The following CNBD1 variants were observed in gnomAD, a reference collection of about 807,000 sequenced individuals.
CNBD1 encodes cyclic nucleotide binding domain containing 1.
Under a neutral mutation model 54.4 loss-of-function variants are expected in CNBD1, and 71 were observed. The ratio of observed to expected loss-of-function variants is 1.30; its 90% CI spans 1.08 to 1.59. CNBD1 has a LOEUF of 1.59. CNBD1 is among the 40% of genes most tolerant of loss of function. The pLI is 0.00. For synonymous variants in CNBD1, 182 were observed against 170.7 expected (o/e 1.07, Z -0.51); for missense variants, 659 against 518.0 (o/e 1.27, Z -2.64).
chr8:86,946,435 A>T (rs912536210), intron 4 of CNBD1, among the ~76,000 whole-genome samples: 6 of 152,086 alleles, frequency 3.9e-5, no homozygotes, highest in Admixed American at 3.3e-4. Flanking sequence ...ACATAAGCAA[A>T]CATCTATTAT....
At chr8:87,323,745 C>T (rs1256865538) in intron 8 of CNBD1, among the ~76,000 whole-genome samples, 2 of 129,962 alleles carry the variant, frequency 1.5e-5, no homozygotes, top group East Asian at 4.0e-4. Flanking sequence ...ATGTCATCTG[C>T]AAACAGGGAC....
chr8:87,168,107 T>C (rs1301665832), intron 4 of CNBD1, among the ~76,000 whole-genome samples: 1 of 152,050 alleles, frequency 6.6e-6, no homozygotes, highest in Non-Finnish European at 1.5e-5. Context: ...CAAAATGTTG[T>C]TATGCAGTGC....
chr8:87,382,519 G>A, intron 10 of CNBD1, 101 bp from the exon 11 acceptor site: 1 of 877,062 alleles, frequency 1.1e-6, no homozygotes, highest in Non-Finnish European at 1.8e-6. Context: ...TAACCCCTCT[G>A]ACTCAGCAAT....
intron 8 of CNBD1, among the ~76,000 whole-genome samples, chr8:87,314,988 A>AT (rs1284722024): frequency 2.0e-5 from 3 of 152,086 alleles, no homozygotes; most frequent in Non-Finnish European, 4.4e-5. Flanking sequence ...TAGTAGTAGG[A>AT]TTTTTTGGTT....
chr8:86,915,809 T>C (rs534615452), intron 3 of CNBD1, among the ~76,000 whole-genome samples: 2 of 152,326 alleles, frequency 1.3e-5, no homozygotes, highest in South Asian at 2.1e-4. Flanking sequence ...TCAGTAACTA[T>C]ATGACTTTGG....
At chr8:87,387,755 C>A (rs190800911), downstream of CNBD1, among the ~76,000 whole-genome samples, 6 of 152,228 alleles carry the variant, frequency 3.9e-5, no homozygotes, top group Admixed American at 3.9e-4. Flanking sequence ...ACCAAGAGGA[C>A]CTAATAGACA....
At chr8:87,422,060 G>A (rs1807949392) in intron 2 of CNBD1, among the ~76,000 whole-genome samples, 2 of 144,704 alleles carry the variant, frequency 1.4e-5, no homozygotes, top group South Asian at 4.3e-4. Context: ...TTTTTTGGCT[G>A]CATAAATGTC....
chr8:87,427,386 T>G (rs956261895), intron 2 of CNBD1, among the ~76,000 whole-genome samples: 2 of 152,136 alleles, frequency 1.3e-5, no homozygotes, highest in African/African-American at 4.8e-5. Flanking sequence ...TTATGAATAT[T>G]GATTATTCAG....
At chr8:87,307,426 T>A (rs1222874254) in intron 8 of CNBD1, among the ~76,000 whole-genome samples, 1 of 152,174 alleles carries the variant, frequency 6.6e-6, no homozygotes. Context: ...AAATTTTTGC[T>A]GAAAACTTAA....
chr8:87,251,327 C>G (rs1297158471), intron 6 of CNBD1, among the ~76,000 whole-genome samples: 2 of 152,012 alleles, frequency 1.3e-5, no homozygotes, highest in Non-Finnish European at 2.9e-5. Flanking sequence ...TGGCTTATGC[C>G]TGTAATCCCA....
Position 87,091,164 on chromosome 8 carries a change from A to T in CNBD1, c.432-114829A>T, listed in dbSNP as rs180779049. On this transcript the variant is annotated intron_variant, in intron 4 of 10. Transcript: ENST00000518476. ...CAAAAAAAAAAAAAAAAAAAAAGTT[A>T]ATCTAGCCTCATAGAGTCTTTTGGA... Among the ~76,000 whole-genome samples the T allele has an allele frequency of 4.0e-3, 586 of 148,046 alleles. 5 individuals carry two copies. Among genetic ancestry groups the T allele is most frequent in the Non-Finnish European group, 4.6e-3 (307 of 66,838 alleles).
intron 4 of CNBD1, among the ~76,000 whole-genome samples, chr8:87,122,708 A>G (rs1239551855): frequency 6.6e-6 from 1 of 151,810 alleles, no homozygotes; most frequent in Non-Finnish European, 1.5e-5. Context: ...TATTTAAGTC[A>G]TTAATCCATT....
At chr8:86,949,804 A>G (rs1807558905) in intron 4 of CNBD1, among the ~76,000 whole-genome samples, 1 of 151,952 alleles carries the variant, frequency 6.6e-6, no homozygotes, top group Non-Finnish European at 1.5e-5. Flanking sequence ...GATCTTAGAG[A>G]AAAAGCTTCA....
chr8:87,075,722 C>T (rs550394297), intron 4 of CNBD1, among the ~76,000 whole-genome samples: 1 of 152,226 alleles, frequency 6.6e-6, no homozygotes, highest in Non-Finnish European at 1.5e-5. Flanking sequence ...ATGAGATGAG[C>T]AGCAGGACCT....
intron 6 of CNBD1, among the ~76,000 whole-genome samples, chr8:87,262,775 T>A (rs1035715903): frequency 2.6e-5 from 4 of 152,184 alleles, no homozygotes; most frequent in African/African-American, 9.7e-5. Context: ...CTTTAAAAGA[T>A]CCTTATCTGT....
chr8:87,260,631 T>C (rs933067773), intron 6 of CNBD1, among the ~76,000 whole-genome samples: 2 of 152,284 alleles, frequency 1.3e-5, no homozygotes, highest in South Asian at 4.1e-4. Context: ...CTTACCCTTT[T>C]GCCAGGATGC....
intron 4 of CNBD1, among the ~76,000 whole-genome samples, chr8:87,023,700 G>C (rs929128865): frequency 6.6e-6 from 1 of 152,150 alleles, no homozygotes; most frequent in Non-Finnish European, 1.5e-5. Flanking sequence ...ATCACACTGA[G>C]TTAGAATCCC....
chr8:87,243,166 A>C (rs1337911580), intron 6 of CNBD1, among the ~76,000 whole-genome samples: 4 of 152,252 alleles, frequency 2.6e-5, no homozygotes, highest in African/African-American at 7.2e-5. Flanking sequence ...CATACTGCCC[A>C]GTACATCTGA....
intron 1 of CNBD1, among the ~76,000 whole-genome samples, chr8:86,867,036 A>C (rs530286862): frequency 1.3e-5 from 2 of 152,298 alleles, no homozygotes; most frequent in Admixed American, 1.3e-4. Flanking sequence ...GATAATTCCT[A>C]CTATTCTGAC....
Sources: gnomAD v4.1 joint callset for allele counts (sites outside exome capture counted in the v4.1 genomes callset) on GRCh38, gnomAD v4.1.1 for gene constraint, MANE v1.5 for transcripts, NCBI Gene and HGNC (gene_info 2026-07-23, HGNC 2026-07-21) for gene names.